ALG2: variants seen among roughly 807,000 people sequenced by gnomAD.
ALG2 encodes ALG2 alpha-1,3/1,6-mannosyltransferase.
In ALG2, 32 loss-of-function variants were observed where a neutral mutation model predicts 30.5. The observed-to-expected ratio is 1.05, with a 90% CI of 0.79 to 1.41. ALG2 has a LOEUF of 1.41. Among genes scored for constraint, ALG2 ranks in the 40% most tolerant of loss-of-function variants. ALG2 has a pLI of 0.00. For missense variants in ALG2, 574 were observed against 526.4 expected (o/e 1.09, Z -0.88); for synonymous variants, 253 against 224.8 (o/e 1.13, Z -1.12).
chr9:99,219,146 T>C (rs1364115174), intron 1 of ALG2, among the ~76,000 whole-genome samples: 2 of 152,224 alleles, frequency 1.3e-5, no homozygotes, highest in Non-Finnish European at 2.9e-5. Flanking sequence ...AACATATTAT[T>C]TACCGAAAAC....
In ALG2 at chr9:99,218,481, T is replaced by C. The variant is rs1468977963; in HGVS notation, c.704A>G (p.Glu235Gly). The change falls in exon 2 of 2, where the codon GAA (glutamate) becomes GGA (glycine). Residue 235 changes from glutamate (E) to glycine (G), a missense_variant. Coordinates refer to ENST00000476832, the MANE Select transcript of ALG2 (RefSeq NM_033087.4). ...KFLLLSINRY[E>G]RKKNLTLALE... ...TGCCAAAGTCAGATTTTTCTTCCTT[T>C]CGTATCTGTTGATGGAGAGCAGCAG... 3.1e-6 allele frequency: 5 copies of C among 1,614,102 alleles called. No homozygotes were observed. Among genetic ancestry groups the C allele is most frequent in the Non-Finnish European group, 4.2e-6 (5 of 1,180,052 alleles).
intron 1 of ALG2, among the ~76,000 whole-genome samples, chr9:99,220,674 A>AAAG (rs112374143): frequency 9.6e-4 from 146 of 152,256 alleles, no homozygotes; most frequent in African/African-American, 3.2e-3. Flanking sequence ...TTTTGCTGAA[A>AAAG]AAGATGCCTA....
chr9:99,221,425 T>C, intron 1 of ALG2, 122 bp downstream of exon 1: 2 of 1,179,558 alleles, frequency 1.7e-6, no homozygotes. Flanking sequence ...CCCTGACTTC[T>C]CCATGTCAGT....
In ALG2 at chr9:99,221,729, G is replaced by A. The variant is rs1314053881; in HGVS notation, c.166C>T (p.Pro56Ser). 1.3e-6 allele frequency: 2 copies of A among 1,598,250 alleles called. No individual in the cohort carries two copies. The highest frequency in any genetic ancestry group is 2.2e-5 in the East Asian group (1 of 44,858). The part of the protein sequence containing the change: ...SVKIWTAHYD[P>S]GHCFAESREL... ...CGGCTCTCGGCGAAACAGTGGCCCG[G>A]GTCGTAGTGCGCTGTCCAGATCTTC... The change falls in exon 1 of 2, where the codon CCG (proline) becomes TCG (serine). Residue 56 changes from proline (P) to serine (S), a missense_variant. By Grantham distance (74) the Pro-to-Ser change is moderately conservative (BLOSUM62 -1). Coordinates refer to ENST00000476832, the MANE Select transcript of ALG2 (RefSeq NM_033087.4).
rs1828801819 is a variant in ALG2, at chr9:99,221,554, C to A, written c.341G>T (p.Cys114Phe). 4.5e-6 allele frequency: 7 copies of A among 1,543,922 alleles called. No individual in the cohort carries two copies. The highest frequency in any genetic ancestry group is 4.1e-5 in the African/African-American group (3 of 73,012). ...LADEEFDVVVCDQVSACIPVF... is the reference protein window; with the variant it reads ...LADEEFDVVVFDQVSACIPVF... Reference sequence around the variant, plus strand: ...GCCCCGCGGCCGCCTCACCTGGTCGCACACTACCACGTCGAACTCCTCGTC... The same window carrying A: ...GCCCCGCGGCCGCCTCACCTGGTCGAACACTACCACGTCGAACTCCTCGTC... Residue 114 changes from cysteine to phenylalanine, a missense_variant, in exon 1 of 2, where the codon TGC (cysteine) becomes TTC (phenylalanine). By Grantham distance (205) the Cys-to-Phe change is radical (BLOSUM62 -2). Transcript: ENST00000476832.
Position 99,217,851 on chromosome 9 carries a change from G to T in ALG2, c.*83C>A. 6.9e-7 allele frequency: 1 copy of T among 1,453,746 alleles called. No homozygotes were observed. The highest frequency in any genetic ancestry group is 1.1e-5 in the South Asian group (1 of 87,062). 90.1% of individuals were successfully genotyped at this position (1,453,746 alleles called of 1,614,324 possible). ...TTTTTAAAAGATCTCTTCTGCATTA[G>T]ATTCTAGGTTTCTTTTTTGGTTTCA... On this transcript the variant is annotated 3_prime_UTR_variant, in exon 2 of 2. Transcript: ENST00000476832.
intron 1 of ALG2, among the ~76,000 whole-genome samples, chr9:99,220,788 G>C (rs1222734720): frequency 6.6e-6 from 1 of 152,186 alleles, no homozygotes; most frequent in East Asian, 1.9e-4. Context: ...AAAAATACAA[G>C]AGAAACTTAA....
rs1313061343 is a variant in ALG2, at chr9:99,216,857, A to G, written c.*1077T>C. 1.8e-5 allele frequency: 8 copies of G among 454,152 alleles called. No individual in the cohort carries two copies. Among genetic ancestry groups the G allele is most frequent in the South Asian group, 1.1e-4 (7 of 64,480 alleles). 28.1% of individuals were successfully genotyped at this position (454,152 alleles called of 1,614,324 possible). A position where few individuals can be genotyped will look rare whatever the true frequency, so the allele number is the denominator to read the frequency against. ...TCTCAAGTCTAGCTCTTAAGAGTTG[A>G]TAAATGTGGAGCCTTTGGCTAGTAA... On this transcript the variant is annotated 3_prime_UTR_variant, in exon 2 of 2. Coordinates refer to ENST00000476832, the MANE Select transcript of ALG2 (RefSeq NM_033087.4).
intron 1 of ALG2, chr9:99,220,973 A>C (rs1341664230): frequency 3.0e-5 from 41 of 1,352,144 alleles, no homozygotes; most frequent in Non-Finnish European, 3.9e-5. Flanking sequence ...GGTGGACATT[A>C]TTTACCAAGG....
In ALG2 at chr9:99,216,476, C is replaced by T; in HGVS notation, c.*1458G>A. ...ATAAAAGACTCAATATATTTGGCAC[C>T]CTCATTTTATAGTACTCCTTTTTGG... On this transcript the variant is annotated 3_prime_UTR_variant, in exon 2 of 2. Transcript: ENST00000476832. 1.4e-5 allele frequency: 6 copies of T among 442,180 alleles called. No homozygotes were observed. Among genetic ancestry groups the T allele is most frequent in the Non-Finnish European group, 2.7e-5 (6 of 221,514 alleles). The allele number at this position is 442,180 out of a possible 1,614,324, so 27.4% of individuals were successfully genotyped here.
rs765516095 is a variant in ALG2, at chr9:99,218,258, G to C, written c.927C>G (p.Ile309Met). ...FLRSFSDKQK[I>M]SLLHSCTCVL... is the part of the protein sequence containing the mutation. Reference sequence around the variant, plus strand: ...CACACGTGCAGCTGTGGAGGAGGGAGATTTTCTGTTTGTCTGAGAAAGACC... The same window carrying C: ...CACACGTGCAGCTGTGGAGGAGGGACATTTTCTGTTTGTCTGAGAAAGACC... The change falls in exon 2 of 2, where the codon ATC (isoleucine) becomes ATG (methionine). Residue 309 changes from isoleucine to methionine, a missense_variant. Transcript: ENST00000476832. The C allele has an allele frequency of 6.2e-7, 1 of 1,614,236 alleles. No individual in the cohort carries two copies. The highest frequency in any genetic ancestry group is 8.5e-7 in the Non-Finnish European group (1 of 1,180,042).
At chr9:99,219,591 C>T (rs1828756521) in intron 1 of ALG2, among the ~76,000 whole-genome samples, 2 of 152,220 alleles carry the variant, frequency 1.3e-5, no homozygotes. Context: ...TGGAGTTTAG[C>T]ACACAGTATG....
At chr9:99,219,937 A>G (rs1828762685) in intron 1 of ALG2, among the ~76,000 whole-genome samples, 1 of 152,264 alleles carries the variant, frequency 6.6e-6, no homozygotes, top group Admixed American at 6.5e-5. Context: ...AAGGATGATC[A>G]AAAGTAACTC....
intron 1 of ALG2, chr9:99,221,243 G>A: frequency 1.7e-6 from 2 of 1,173,028 alleles, no homozygotes; most frequent in Admixed American, 5.7e-5. Context: ...GCGTTTCTCA[G>A]AGCCCCAAAG....
At position 99,221,785 on chromosome 9, in the gene ALG2, G is replaced by A. The variant is rs770060939; in HGVS notation, c.110C>T (p.Ala37Val). The A allele has an allele frequency of 6.3e-7, 1 of 1,598,200 alleles. No individual in the cohort carries two copies. Among genetic ancestry groups the A allele is most frequent in the South Asian group, 1.1e-5 (1 of 91,006 alleles). The change falls in exon 1 of 2, where the codon GCG (alanine) becomes GTG (valine). Residue 37 changes from alanine to valine, a missense_variant. Ala to Val is a moderately conservative substitution (Grantham distance 64). Coordinates refer to ENST00000476832, the MANE Select transcript of ALG2 (RefSeq NM_033087.4). The part of the protein sequence containing the change: ...GGAERLVLDA[A>V]LALQARGCSV... Reference sequence around the variant, plus strand: ...ACACCCGCGCGCCTGCAGCGCCAGCGCCGCGTCCAACACCAGCCGCTCAGC... The same window carrying A: ...ACACCCGCGCGCCTGCAGCGCCAGCACCGCGTCCAACACCAGCCGCTCAGC...
chr9:99,220,915 GA>G lies in ALG2; in HGVS notation c.348+631del, dbSNP rs1402676047. Reference sequence around the variant, plus strand: ...TTAAAGTCATCTTTTTTAGGATGGGGAAAAATGCACGAAGGAAAGAGTCAAG... The same window carrying G: ...TTAAAGTCATCTTTTTTAGGATGGGGAAAATGCACGAAGGAAAGAGTCAAG... On this transcript the variant is annotated intron_variant, in intron 1 of 1. Coordinates refer to ENST00000476832, the MANE Select transcript of ALG2 (RefSeq NM_033087.4). The G allele has an allele frequency of 1.6e-5, 21 of 1,310,090 alleles. No homozygotes were observed. In the African/African-American group the frequency reaches 2.6e-4, roughly 16 times the overall value. The allele number at this position is 1,310,090 out of a possible 1,614,324, so 81.2% of individuals were successfully genotyped here.
rs1317880330 is a variant in ALG2, at chr9:99,218,841, C to A, written c.349-5G>T. On this transcript the variant is annotated splice_region_variant and splice_polypyrimidine_tract_variant and intron_variant, in intron 1 of 1. Coordinates refer to ENST00000476832, the MANE Select transcript of ALG2 (RefSeq NM_033087.4). ...CACTGGGATACAGGCAGACACCTAGCCAAAGCAAAAATCAACAGCGGATAA... is the reference window on the plus strand; with the variant it reads ...CACTGGGATACAGGCAGACACCTAGACAAAGCAAAAATCAACAGCGGATAA... 8.7e-6 allele frequency: 14 copies of A among 1,602,036 alleles called. No homozygotes were observed. The highest frequency in any genetic ancestry group is 1.2e-5 in the Non-Finnish European group (14 of 1,179,920).
rs1279623882 is a variant in ALG2, at chr9:99,221,803, C to A, written c.92G>T (p.Arg31Leu). The A allele has an allele frequency of 1.3e-6, 2 of 1,597,732 alleles. No individual in the cohort carries two copies. The highest frequency in any genetic ancestry group is 2.2e-5 in the East Asian group (1 of 44,860). ...HPDLGVGGAE[R>L]LVLDAALALQ... Reference sequence around the variant, plus strand: ...CGCCAGCGCCGCGTCCAACACCAGCCGCTCAGCGCCGCCCACGCCCAGGTC... The same window carrying A: ...CGCCAGCGCCGCGTCCAACACCAGCAGCTCAGCGCCGCCCACGCCCAGGTC... The change falls in exon 1 of 2, where the codon CGG becomes CTG. Residue 31 changes from arginine (R) to leucine (L), a missense_variant. By Grantham distance (102) the Arg-to-Leu change is moderately radical. Transcript: ENST00000476832.
rs1459158730 is a variant in ALG2, at chr9:99,221,870, G to A, written c.25C>T (p.Arg9Trp). ...ACCGACGGCTTGGGAACCGAGTCCC[G>A]TTCCCGGCCCTGCTCCTCCGCCATG... MAEEQGRE[R>W]DSVPKPSVLF... Residue 9 changes from arginine to tryptophan, a missense_variant, in exon 1 of 2, where the codon CGG becomes TGG. By Grantham distance (101) the Arg-to-Trp change is moderately radical (BLOSUM62 -3). Coordinates refer to ENST00000476832, the MANE Select transcript of ALG2 (RefSeq NM_033087.4). 14 of 1,590,362 alleles carry A rather than the reference G, an allele frequency of 8.8e-6. No homozygotes were observed. Among genetic ancestry groups the A allele is most frequent in the South Asian group, 1.1e-5 (1 of 90,250 alleles).
Sources: gnomAD v4.1 joint callset for allele counts (sites outside exome capture counted in the v4.1 genomes callset) on GRCh38, gnomAD v4.1.1 for gene constraint, MANE v1.5 for transcripts, NCBI Gene and HGNC (gene_info 2026-07-23, HGNC 2026-07-21) for gene names.